SCAI: variants seen among roughly 807,000 people sequenced by gnomAD.
The protein encoded by SCAI is suppressor of cancer cell invasion.
Under a neutral mutation model 92.2 loss-of-function variants are expected in SCAI, and 24 were observed. That is an observed-to-expected ratio of 0.26 (90% CI 0.19 to 0.37). The LOEUF is 0.37. Ranked by LOEUF, SCAI falls within the 10% of genes least tolerant of loss-of-function variation. The pLI is 1.00. For missense variants in SCAI, 450 were observed against 736.2 expected (o/e 0.61, Z 4.50); for synonymous variants, 261 against 258.6 (o/e 1.01, Z -0.09).
At chr9:125,052,801 A>G (rs1833584444) in intron 3 of SCAI, among the ~76,000 whole-genome samples, 2 of 152,158 alleles carry the variant, frequency 1.3e-5, no homozygotes, top group African/African-American at 4.8e-5. Context: ...ACTTTCCCAA[A>G]GAAGAAACAG....
At chr9:124,998,201 A>T (rs1404912403) in intron 13 of SCAI, among the ~76,000 whole-genome samples, 1 of 152,190 alleles carries the variant, frequency 6.6e-6, no homozygotes. Flanking sequence ...GCGGTGGCTC[A>T]TGCCTGTAAT....
chr9:125,012,329 G>A (rs1832656832), intron 9 of SCAI, among the ~76,000 whole-genome samples: 3 of 152,078 alleles, frequency 2.0e-5, no homozygotes, highest in African/African-American at 7.2e-5. Context: ...ATAAAAGGAT[G>A]GAGGAAGATC....
chr9:125,074,523 G>A (rs1834048449), intron 2 of SCAI, among the ~76,000 whole-genome samples: 1 of 150,082 alleles, frequency 6.7e-6, no homozygotes, highest in Non-Finnish European at 1.5e-5. Context: ...CTCCCAAAGT[G>A]TTTGGATTAC....
At chr9:124,968,505 G>T in intron 17 of SCAI, 1 of 865,562 alleles carries the variant, frequency 1.2e-6, no homozygotes, top group Non-Finnish European at 2.0e-6. Context: ...CACGTAGGTT[G>T]CTAGATCTCT....
intron 2 of SCAI, among the ~76,000 whole-genome samples, chr9:125,066,345 C>T (rs1833866961): frequency 6.6e-6 from 1 of 152,208 alleles, no homozygotes. Flanking sequence ...CCTTCACATT[C>T]ACTCACCACT....
intron 2 of SCAI, among the ~76,000 whole-genome samples, chr9:125,058,116 C>A (rs535076847): frequency 6.7e-6 from 1 of 148,352 alleles, no homozygotes; most frequent in African/African-American, 2.5e-5. Flanking sequence ...AAAAAAAATT[C>A]TTTTTTAAAA....
At chr9:125,057,445 AC>A (rs200239752) in intron 2 of SCAI, among the ~76,000 whole-genome samples, 3,103 of 152,292 alleles carry the variant, frequency 0.02, 110 homozygotes, top group African/African-American at 0.07. Flanking sequence ...AAAATGTAAC[AC>A]CTAAAATTGA....
intron 9 of SCAI, among the ~76,000 whole-genome samples, chr9:125,014,255 C>T (rs571082963): frequency 1.5e-3 from 226 of 152,080 alleles, no homozygotes; most frequent in African/African-American, 4.6e-3. Context: ...TGTTTGCAGA[C>T]GACATGATTG....
At chr9:125,032,488 G>A (rs972891842) in intron 3 of SCAI, among the ~76,000 whole-genome samples, 6 of 149,394 alleles carry the variant, frequency 4.0e-5, no homozygotes, top group South Asian at 2.1e-4. Context: ...CACCATGCCC[G>A]GCCTCTGGTT....
At chr9:125,123,528 G>A (rs557976461) in intron 2 of SCAI, among the ~76,000 whole-genome samples, 2 of 152,192 alleles carry the variant, frequency 1.3e-5, no homozygotes, top group African/African-American at 2.4e-5. Context: ...TGTAATCCCA[G>A]CACTTCGGGA....
intron 9 of SCAI, among the ~76,000 whole-genome samples, chr9:125,008,486 G>C (rs1226740375): frequency 6.6e-6 from 1 of 151,364 alleles, no homozygotes; most frequent in Non-Finnish European, 1.5e-5. Context: ...GCCCAGGCTA[G>C]GAAAAAAAAA....
intron 13 of SCAI, among the ~76,000 whole-genome samples, chr9:124,999,543 A>G (rs1443242165): frequency 6.6e-6 from 1 of 152,184 alleles, no homozygotes; most frequent in African/African-American, 2.4e-5. Flanking sequence ...AATTTGTTTA[A>G]AAGTTCGTAT....
intron 2 of SCAI, among the ~76,000 whole-genome samples, chr9:125,120,940 A>G (rs1237030625): frequency 2.0e-5 from 3 of 152,024 alleles, no homozygotes; most frequent in Non-Finnish European, 4.4e-5. Flanking sequence ...GAAAAAAAAG[A>G]GTGATAAAAT....
intron 14 of SCAI, among the ~76,000 whole-genome samples, chr9:124,981,751 G>A (rs1177005589): frequency 6.6e-6 from 1 of 151,854 alleles, no homozygotes; most frequent in African/African-American, 2.4e-5. Context: ...CTGAACTCAA[G>A]CAATCCTCCT....
chr9:124,950,179 G>A lies in SCAI; in HGVS notation c.*2628C>T, dbSNP rs1485300863. 6 of 151,936 alleles carry A rather than the reference G, an allele frequency of 3.9e-5. No individual in the cohort carries two copies. Among genetic ancestry groups the A allele is most frequent in the Non-Finnish European group, 8.8e-5 (6 of 68,002 alleles). 9.4% of individuals were successfully genotyped at this position (151,936 alleles called of 1,614,324 possible). ...GGTAAATATGACTTACAAAAGAAAA[G>A]GTTGTGTACACTACAAACAGGGTAA... On this transcript the variant is annotated 3_prime_UTR_variant, in exon 18 of 18. Transcript: ENST00000336505.
At chr9:125,142,400 G>GTA (rs1219936950) in intron 2 of SCAI, 3 of 379,518 alleles carry the variant, frequency 7.9e-6, no homozygotes, top group African/African-American at 6.6e-5. Context: ...AAGTAAAAAA[G>GTA]TAGGATTTCT....
At position 125,008,700 on chromosome 9, in the gene SCAI, C is replaced by T. The variant is rs779762229; in HGVS notation, c.862-5130G>A. Among the ~76,000 whole-genome samples the T allele has an allele frequency of 3.3e-5, 5 of 152,252 alleles. No homozygotes were observed. In the South Asian group the frequency reaches 6.2e-4, roughly 19 times the overall value. On this transcript the variant is annotated intron_variant, in intron 9 of 17. Transcript: ENST00000336505. ...ATGAAAAATACAGAAAAGAATATAA[C>T]AGACACACGTGGCACTGTGAACGGG...
chr9:125,137,453 A>G (rs750271197), intron 2 of SCAI, among the ~76,000 whole-genome samples: 14 of 152,218 alleles, frequency 9.2e-5, no homozygotes, highest in Non-Finnish European at 4.4e-5. Flanking sequence ...TGAACAAAAC[A>G]CGTATAGTCC....
intron 3 of SCAI, among the ~76,000 whole-genome samples, chr9:125,045,032 G>T (rs762395831): frequency 6.6e-6 from 1 of 152,152 alleles, no homozygotes; most frequent in African/African-American, 2.4e-5. Flanking sequence ...CTCCATACCT[G>T]GCCTACCCTT....
Sources: allele counts gnomAD v4.1 joint callset (sites outside exome capture counted in the v4.1 genomes callset), GRCh38; gene constraint gnomAD v4.1.1; transcripts MANE v1.5; gene names NCBI Gene and HGNC (gene_info 2026-07-23, HGNC 2026-07-21).